CDC42BPA: variants seen among roughly 807,000 people sequenced by gnomAD.
CDC42BPA encodes the protein serine/threonine-protein kinase MRCK alpha.
A neutral mutation model predicts 223.5 loss-of-function variants in CDC42BPA; 80 were observed. That is an observed-to-expected ratio of 0.36 (90% CI 0.30 to 0.43). The LOEUF (loss-of-function observed/expected upper bound fraction) is 0.43, where lower values mean the gene tolerates loss of function less well. Among genes scored for constraint, CDC42BPA ranks in the 20% least tolerant of loss-of-function variants. The pLI, the probability that CDC42BPA is intolerant of heterozygous loss-of-function variation, is 1.00. For synonymous variants in CDC42BPA, 694 were observed against 718.6 expected, an observed-to-expected ratio of 0.97 and a Z score of 0.55; for missense variants, 1,743 against 2,099.9, an observed-to-expected ratio of 0.83 and a Z score of 3.32.
intron 26 of CDC42BPA, among the ~76,000 whole-genome samples, chr1:227,034,222 G>A (rs73089725): frequency 0.15 from 23,483 of 152,164 alleles, 2,197 homozygotes; most frequent in African/African-American, 0.25. Flanking sequence ...AGGAACACAG[G>A]AAGAATCTGA....
At chr1:227,135,855 C>CAAAAAAAAAAAAAAAAAAA (rs1175091904) in intron 10 of CDC42BPA, among the ~76,000 whole-genome samples, 4 of 6,606 alleles carry the variant, frequency 6.1e-4, no homozygotes, top group Non-Finnish European at 1.4e-3. Context: ...CTCTGTCTCC[C>CAAAAAAAAAAAAAAAAAAA]AAAAAAAAAA....
chr1:227,212,593 G>A (rs1034054049), intron 3 of CDC42BPA, among the ~76,000 whole-genome samples: 5 of 151,944 alleles, frequency 3.3e-5, no homozygotes, highest in African/African-American at 1.2e-4. Flanking sequence ...CCAGCTGCTG[G>A]ATATTTTTAA....
rs572625393 is a variant in CDC42BPA, at chr1:227,089,868, C to T, written c.2355+2018G>A. On this transcript the variant is annotated intron_variant, in intron 16 of 36. Coordinates refer to ENST00000366766, the MANE Select transcript of CDC42BPA (RefSeq NM_001394014.1). Reference sequence around the variant, plus strand: ...CAATAATTGAATGCAAAAATTTGATCTACATTCAAGTTATTTTCCAATACA... The same window carrying T: ...CAATAATTGAATGCAAAAATTTGATTTACATTCAAGTTATTTTCCAATACA... Among the ~76,000 whole-genome samples the T allele has an allele frequency of 2.0e-5, 3 of 152,174 alleles. No homozygotes were observed. In the South Asian group the frequency reaches 6.2e-4, roughly 32 times the overall value.
intron 22 of CDC42BPA, 28 bp from the exon 23 acceptor site, chr1:227,048,038 A>G: frequency 7.3e-7 from 1 of 1,366,038 alleles, no homozygotes; most frequent in Non-Finnish European, 1.0e-6. Context: ...AAAGGAAATA[A>G]ATGTCATGAA....
rs914338620 is a variant in CDC42BPA at position 227,139,733 on chromosome 1, A to G, written c.1233T>C (p.Ser411=). ...CCGTAACTCTTAAACAGCTCCGATC[A>G]GAAAGTACACTGAAGAAAAGAAAAA... is the stretch of plus-strand genomic sequence containing the variant. ...GFTYTSSCVL[S]DRSCLRVTAG... The change falls in exon 10 of 37, where the codon TCT becomes TCC. Residue 411 remains serine, a synonymous_variant. Coordinates refer to ENST00000366766, the MANE Select transcript of CDC42BPA (RefSeq NM_001394014.1). 1.9e-6 allele frequency: 3 copies of G among 1,538,820 alleles called. No homozygotes were observed. Among genetic ancestry groups the G allele is most frequent in the Non-Finnish European group, 2.6e-6 (3 of 1,149,262 alleles).
At chr1:227,173,175 C>A (rs919553535) in intron 5 of CDC42BPA, among the ~76,000 whole-genome samples, 5 of 152,184 alleles carry the variant, frequency 3.3e-5, no homozygotes, top group Non-Finnish European at 7.4e-5. Flanking sequence ...TTCAATTACC[C>A]TGCATTGGCT....
chr1:227,143,148 C>G (rs1362151067), intron 8 of CDC42BPA, 124 bp from the exon 9 acceptor site: 1 of 514,582 alleles, frequency 1.9e-6, no homozygotes, highest in Non-Finnish European at 3.2e-6. Flanking sequence ...TTTTAAAACA[C>G]TGGTAAGTTT....
At chr1:227,295,163 T>C (rs1409887477) in intron 1 of CDC42BPA, among the ~76,000 whole-genome samples, 1 of 152,094 alleles carries the variant, frequency 6.6e-6, no homozygotes, top group African/African-American at 2.4e-5. Flanking sequence ...AATACATATA[T>C]ATGAAATATA....
intron 1 of CDC42BPA, among the ~76,000 whole-genome samples, chr1:227,258,234 G>A (rs560169922): frequency 6.9e-6 from 1 of 144,982 alleles, no homozygotes; most frequent in South Asian, 2.2e-4. Flanking sequence ...CCAAATAATT[G>A]TAACACCAGT....
At chr1:227,004,741 T>C (rs994531630) in intron 35 of CDC42BPA, 2 of 548,018 alleles carry the variant, frequency 3.6e-6, no homozygotes, top group African/African-American at 3.8e-5. Flanking sequence ...TCAGAGCCTT[T>C]ATCATCACAA....
rs547177523 is a variant in CDC42BPA, at chr1:227,317,984, G to C, written c.-802C>G. 140 of 392,668 alleles carry C rather than the reference G, an allele frequency of 3.6e-4. No individual in the cohort carries two copies. Among genetic ancestry groups the C allele is most frequent in the Non-Finnish European group, 5.7e-4 (127 of 222,558 alleles). The allele number at this position is 392,668 out of a possible 1,614,324, so 24.3% of individuals were successfully genotyped here. A position where few individuals can be genotyped will look rare whatever the true frequency, so the allele number is the denominator to read the frequency against. ...CGGCCGGGGGTGGAAGGCGGGCTGC[G>C]GGCGGCACTGGCACCGGGCTCCGGA... On this transcript the variant is annotated 5_prime_UTR_variant, in exon 1 of 37. Coordinates refer to ENST00000366766, the MANE Select transcript of CDC42BPA (RefSeq NM_001394014.1).
chr1:227,129,190 C>T lies in CDC42BPA; in HGVS notation c.1432G>A (p.Asp478Asn), dbSNP rs1223256212. The change falls in exon 11 of 37, where the codon GAT (aspartate) becomes AAT (asparagine). Residue 478 changes from aspartate (D) to asparagine (N), a missense_variant. Asp to Asn is a conservative substitution (Grantham distance 23). Coordinates refer to ENST00000366766, the MANE Select transcript of CDC42BPA (RefSeq NM_001394014.1). The stretch of plus-strand genomic sequence containing the variant: ...TCTTTGCTTGCTGTTAGTGGACCAT[C>T]AACAGTTGAATACTGCAGAGCTTGG... ...TVQALQYSTV[D>N]GPLTASKDLE... The T allele has an allele frequency of 6.3e-7, 1 of 1,595,910 alleles. No individual in the cohort carries two copies. Among genetic ancestry groups the T allele is most frequent in the Admixed American group, 1.7e-5 (1 of 58,628 alleles).
chr1:227,304,415 A>C (rs1692206149), intron 1 of CDC42BPA, among the ~76,000 whole-genome samples: 1 of 151,738 alleles, frequency 6.6e-6, no homozygotes, highest in African/African-American at 2.4e-5. Flanking sequence ...CAAAAAAAAA[A>C]CAAAAAAAGA....
Position 227,129,232 on chromosome 1 carries a change from C to A in CDC42BPA, c.1391-1G>T. The A allele has an allele frequency of 6.4e-7, 1 of 1,556,828 alleles. No homozygotes were observed. Among genetic ancestry groups the A allele is most frequent in the Non-Finnish European group, 8.6e-7 (1 of 1,157,172 alleles). On this transcript the variant is annotated splice_acceptor_variant, in intron 10 of 36. Coordinates refer to ENST00000366766, the MANE Select transcript of CDC42BPA (RefSeq NM_001394014.1). LOFTEE classifies it high-confidence loss of function. The stretch of plus-strand genomic sequence containing the variant: ...AGAGCTTGGACAGTCTGTGTTGACT[C>A]TTTAAAAAAAAGGATAAAAGAAATA...
Position 227,284,598 on chromosome 1 carries a change from C to T in CDC42BPA, c.179-30443G>A, listed in dbSNP as rs539262349. ...AGAAATACTAAGTTGGTCCCTAAGC[C>T]CAAACTTCAGAGCAACATTTGATTG... On this transcript the variant is annotated intron_variant, in intron 1 of 36. Transcript: ENST00000366766. Among the ~76,000 whole-genome samples, 28 of 152,200 alleles carry T rather than the reference C, an allele frequency of 1.8e-4. No individual in the cohort carries two copies. In the South Asian group the frequency reaches 5.4e-3, roughly 29 times the overall value.
intron 2 of CDC42BPA, among the ~76,000 whole-genome samples, chr1:227,253,597 AAAATAAAT>A (rs368265961): frequency 2.7e-5 from 4 of 148,002 alleles, no homozygotes; most frequent in Non-Finnish European, 5.9e-5. Flanking sequence ...CTCCATCTCA[AAAATAAAT>A]AAATACATAC....
chr1:227,310,836 G>A lies in CDC42BPA; in HGVS notation c.178+6169C>T, dbSNP rs560765311. On this transcript the variant is annotated intron_variant, in intron 1 of 36. Transcript: ENST00000366766. ...TGAGTAGCTGGGACTACAGGCACCCGTCACCGCGCCCGGCTAATTTTTTTT... is the reference window on the plus strand; with the variant it reads ...TGAGTAGCTGGGACTACAGGCACCCATCACCGCGCCCGGCTAATTTTTTTT... Among the ~76,000 whole-genome samples the A allele has an allele frequency of 7.4e-5, 11 of 149,116 alleles. No homozygotes were observed. In the East Asian group the frequency reaches 1.4e-3, roughly 19 times the overall value.
At position 227,016,106 on chromosome 1, in the gene CDC42BPA, T is replaced by C; in HGVS notation, c.4831A>G (p.Ile1611Val). The stretch of plus-strand genomic sequence containing the variant: ...ATGGGCAGATCTTTCAGGATCTGTA[T>C]TCCATCTCCAGGACCCATGTGTGCT... ...HIAHMGPGDG[I>V]QILKDLPMNP... Residue 1611 changes from isoleucine to valine, a missense_variant, in exon 34 of 37, where the codon ATA becomes GTA. This residue lies in a region of CDC42BPA where 200 missense variants were observed against 192.8 expected (regional missense o/e 1.04). Coordinates refer to ENST00000366766, the MANE Select transcript of CDC42BPA (RefSeq NM_001394014.1). The C allele has an allele frequency of 6.3e-7, 1 of 1,595,530 alleles. No individual in the cohort carries two copies. The highest frequency in any genetic ancestry group is 8.6e-7 in the Non-Finnish European group (1 of 1,163,334).
At chr1:227,180,889 T>C (rs773136186) in intron 5 of CDC42BPA, among the ~76,000 whole-genome samples, 1 of 151,644 alleles carries the variant, frequency 6.6e-6, no homozygotes, top group Non-Finnish European at 1.5e-5. Context: ...AGTTTAAACA[T>C]GGTTAGAAAT....
Sources: allele counts gnomAD v4.1 joint callset (sites outside exome capture counted in the v4.1 genomes callset), GRCh38; gene constraint gnomAD v4.1.1; regional missense constraint gnomAD v4.1.1; transcripts MANE v1.5; gene names NCBI Gene and HGNC (gene_info 2026-07-23, HGNC 2026-07-21).